The following SEMA3A variants were observed in gnomAD, a reference collection of about 807,000 sequenced individuals.
SEMA3A encodes semaphorin-3A.
Under a neutral mutation model 97.9 loss-of-function variants are expected in SEMA3A, and 29 were observed. That is an observed-to-expected ratio of 0.30 (90% confidence interval 0.22 to 0.40). The LOEUF is 0.40. Ranked by LOEUF, SEMA3A falls within the 10% of genes least tolerant of loss-of-function variation. The pLI is 1.00. For synonymous variants in SEMA3A, 321 were observed against 323.7 expected, an observed-to-expected ratio of 0.99 and a Z score of 0.09; for missense variants, 763 against 951.3, an observed-to-expected ratio of 0.80 and a Z score of 2.60.
chr7:84,430,789 T>TTGTGTGTGTG lies in SEMA3A; in HGVS notation c.-245-58899_-245-58890dup, dbSNP rs56814153. ...CTTCTATACCTACACAACATAAAAT[T>TTGTGTGTGTG]TGTGTGTGTGTGTGTGTGTGTGTGT... On this transcript the variant is annotated intron_variant, in intron 1 of 3. Coordinates refer to the SEMA3A transcript ENST00000424555. 5.2e-3 allele frequency among the ~76,000 whole-genome samples: 750 copies of TTGTGTGTGTG among 143,414 alleles called. 15 individuals carry two copies. The highest frequency in any genetic ancestry group is 0.034 in the Admixed American group (487 of 14,422). 94.1% of individuals were successfully genotyped at this position (143,414 alleles called of 152,430 possible).
chr7:83,990,873 G>T (rs1789893014), intron 12 of SEMA3A, among the ~76,000 whole-genome samples: 2 of 151,616 alleles, frequency 1.3e-5, no homozygotes, highest in Admixed American at 6.6e-5. Context: ...TTGGTAGCTT[G>T]ATGGGGATGG....
chr7:84,152,984 A>T (rs1315429387), intron 1 of SEMA3A, among the ~76,000 whole-genome samples: 3 of 152,094 alleles, frequency 2.0e-5, no homozygotes, highest in Admixed American at 2.0e-4. Flanking sequence ...AAGGTGGAAA[A>T]ATGACTTCCA....
At chr7:84,143,817 A>G (rs985242910) in intron 1 of SEMA3A, among the ~76,000 whole-genome samples, 7 of 151,864 alleles carry the variant, frequency 4.6e-5, no homozygotes, top group African/African-American at 1.7e-4. Context: ...AAAAGAAAAG[A>G]AAAAGAAAAA....
chr7:84,409,211 A>T (rs1804194770), intron 1 of SEMA3A, among the ~76,000 whole-genome samples: 1 of 151,700 alleles, frequency 6.6e-6, no homozygotes, highest in African/African-American at 2.4e-5. Context: ...CAACAAAAAC[A>T]AATGATACAT....
At chr7:83,972,415 T>C (rs942376263) in intron 15 of SEMA3A, among the ~76,000 whole-genome samples, 12 of 152,060 alleles carry the variant, frequency 7.9e-5, no homozygotes, top group Non-Finnish European at 1.5e-4. Flanking sequence ...ATACTGAACA[T>C]CTGGTATGTT....
At chr7:84,190,962 TACACAC>T (rs3077844) in intron 1 of SEMA3A, among the ~76,000 whole-genome samples, 2 of 147,156 alleles carry the variant, frequency 1.4e-5, no homozygotes, top group African/African-American at 2.5e-5. Context: ...TATTGGTATA[TACACAC>T]ACACACACAC....
intron 1 of SEMA3A, among the ~76,000 whole-genome samples, chr7:84,474,235 A>G (rs1806223401): frequency 1.3e-5 from 2 of 152,200 alleles, no homozygotes; most frequent in African/African-American, 4.8e-5. Flanking sequence ...AAATATGCAA[A>G]TTGTATTTCA....
chr7:84,301,490 T>A (rs1477656108), intron 3 of SEMA3A, among the ~76,000 whole-genome samples: 1 of 152,140 alleles, frequency 6.6e-6, no homozygotes, highest in Non-Finnish European at 1.5e-5. Context: ...TAAAATATGC[T>A]CAATATCATC....
chr7:84,407,581 G>T (rs1163227945), intron 1 of SEMA3A, among the ~76,000 whole-genome samples: 5 of 151,100 alleles, frequency 3.3e-5, no homozygotes, highest in East Asian at 1.9e-4. Flanking sequence ...AGCCCACATT[G>T]CCAAGTCAAT....
intron 1 of SEMA3A, among the ~76,000 whole-genome samples, chr7:84,465,640 C>A (rs1318619554): frequency 6.6e-6 from 1 of 152,038 alleles, no homozygotes; most frequent in Non-Finnish European, 1.5e-5. Flanking sequence ...AAATAAAATA[C>A]TTGATTTATC....
At chr7:84,359,520 G>T (rs1324782788) in intron 2 of SEMA3A, among the ~76,000 whole-genome samples, 1 of 151,818 alleles carries the variant, frequency 6.6e-6, no homozygotes, top group Non-Finnish European at 1.5e-5. Context: ...GCTTTTTGAT[G>T]TGCTGCTGGA....
chr7:84,186,838 C>T (rs1291615893), intron 1 of SEMA3A, among the ~76,000 whole-genome samples: 1 of 151,622 alleles, frequency 6.6e-6, no homozygotes, highest in East Asian at 2.0e-4. Context: ...ATATAAGTGG[C>T]CTAAGGAAAT....
intron 3 of SEMA3A, among the ~76,000 whole-genome samples, chr7:84,221,998 C>T (rs377460554): frequency 7.9e-5 from 12 of 151,782 alleles, no homozygotes; most frequent in African/African-American, 1.5e-4. Flanking sequence ...AAACAAGATA[C>T]GCCCGTATAT....
At chr7:84,330,696 T>G (rs375035170) in intron 2 of SEMA3A, among the ~76,000 whole-genome samples, 1 of 152,250 alleles carries the variant, frequency 6.6e-6, no homozygotes, top group Non-Finnish European at 1.5e-5. Context: ...TGTTTTTTAT[T>G]TATTTTTTTG....
At position 84,005,333 on chromosome 7, in the gene SEMA3A, A is replaced by C. The variant is rs768163053; in HGVS notation, c.1360+6T>G. The C allele has an allele frequency of 1.9e-5, 30 of 1,604,722 alleles. No homozygotes were observed. The South Asian group carries it at 3.1e-4, about 16-fold the overall frequency. Reference sequence around the variant, plus strand: ...AAAAGTTTACAGCTGAAATTTAAAAATTTACCTGTTCCGATAAACATAACA... The same window carrying C: ...AAAAGTTTACAGCTGAAATTTAAAACTTTACCTGTTCCGATAAACATAACA... On this transcript the variant is annotated splice_donor_region_variant and intron_variant, in intron 11 of 16. Transcript: ENST00000265362.
intron 3 of SEMA3A, among the ~76,000 whole-genome samples, chr7:84,275,748 T>A (rs1800277409): frequency 6.6e-6 from 1 of 152,024 alleles, no homozygotes; most frequent in African/African-American, 2.4e-5. Flanking sequence ...TAGTCTAAGT[T>A]GAGAATTACT....
intron 2 of SEMA3A, among the ~76,000 whole-genome samples, chr7:84,131,713 A>G (rs371369899): frequency 6.6e-6 from 1 of 152,210 alleles, no homozygotes; most frequent in African/African-American, 2.4e-5. Flanking sequence ...CTATTTGAAC[A>G]TTACATATAC....
intron 1 of SEMA3A, among the ~76,000 whole-genome samples, chr7:84,393,200 T>C (rs1052078751): frequency 6.6e-6 from 1 of 152,194 alleles, no homozygotes; most frequent in Non-Finnish European, 1.5e-5. Flanking sequence ...AAGTATTTAA[T>C]CAATTTTGAG....
At chr7:84,425,737 C>A (rs1423290716) in intron 1 of SEMA3A, among the ~76,000 whole-genome samples, 1 of 148,996 alleles carries the variant, frequency 6.7e-6, no homozygotes, top group Non-Finnish European at 1.5e-5. Context: ...CTTTGGGAGT[C>A]TGAGGTTCGC....
Sources: allele counts gnomAD v4.1 joint callset (sites outside exome capture counted in the v4.1 genomes callset), GRCh38; gene constraint gnomAD v4.1.1; transcripts MANE v1.5; gene names NCBI Gene and HGNC (gene_info 2026-07-23, HGNC 2026-07-21).